The following ABTB3 variants were observed in gnomAD, a reference collection of about 807,000 sequenced individuals.
ABTB3 encodes the protein ankyrin repeat- and BTB/POZ domain-containing protein 3.
chr12:107,350,545 CA>C, the ABTB3 span, among the ~76,000 whole-genome samples: 6,037 of 126,570 alleles, frequency 0.048, 314 homozygotes, highest in East Asian at 0.29. Context: ...GAGTCCGTCT[CA>C]AAAAAAAAAA....
At chr12:107,640,131 A>G in the ABTB3 span, among the ~76,000 whole-genome samples, 1 of 152,164 alleles carries the variant, frequency 6.6e-6, no homozygotes, top group Non-Finnish European at 1.5e-5. Context: ...GAAAAACTGC[A>G]TTTCAGTGAC....
chr12:107,343,631 A>G, the ABTB3 span, among the ~76,000 whole-genome samples: 67,124 of 152,070 alleles, frequency 0.44, 18,184 homozygotes, highest in African/African-American at 0.78. Context: ...GATGGTTATT[A>G]TATTAGTCCA....
At chr12:107,331,268 G>T in the ABTB3 span, among the ~76,000 whole-genome samples, 1 of 152,188 alleles carries the variant, frequency 6.6e-6, no homozygotes, top group African/African-American at 2.4e-5. Flanking sequence ...AGGTTTAGGG[G>T]CTGGGCTCAC....
chr12:107,610,182 T>G, the ABTB3 span: 1 of 1,614,182 alleles, frequency 6.2e-7, no homozygotes. Flanking sequence ...GTCTCTTCCC[T>G]TCCTTAGGGC....
At chr12:107,637,821 TGTGTG>T in the ABTB3 span, among the ~76,000 whole-genome samples, 4 of 139,654 alleles carry the variant, frequency 2.9e-5, no homozygotes, top group Admixed American at 2.8e-4. Flanking sequence ...TGTGTGTGTG[TGTGTG>T]TGTGTGTGGT....
chr12:107,617,507 C>A, the ABTB3 span: 491 of 1,570,588 alleles, frequency 3.1e-4, no homozygotes, highest in Non-Finnish European at 3.9e-4. Context: ...CCAGGCCTAC[C>A]CCAGACCCAT....
At chr12:107,425,946 G>A in the ABTB3 span, among the ~76,000 whole-genome samples, 3 of 152,230 alleles carry the variant, frequency 2.0e-5, no homozygotes, top group Non-Finnish European at 2.9e-5. Context: ...CTTCTGAGTC[G>A]TTTGGAGTTC....
the ABTB3 span, among the ~76,000 whole-genome samples, chr12:107,646,464 C>T: frequency 1.3e-5 from 2 of 152,204 alleles, no homozygotes; most frequent in Non-Finnish European, 2.9e-5. Flanking sequence ...TAAATGAAAA[C>T]TGCTAGGAGA....
the ABTB3 span, among the ~76,000 whole-genome samples, chr12:107,360,995 C>T: frequency 8.0e-6 from 1 of 124,776 alleles, no homozygotes; most frequent in African/African-American, 3.2e-5. Flanking sequence ...TGGTGTCAAA[C>T]CCCTGGGCTC....
At chr12:107,503,345 G>C in the ABTB3 span, among the ~76,000 whole-genome samples, 2 of 152,138 alleles carry the variant, frequency 1.3e-5, no homozygotes, top group Admixed American at 1.3e-4. Flanking sequence ...CATTTGAAAA[G>C]TGTGCTTGCT....
At chr12:107,622,882 A>G in the ABTB3 span, among the ~76,000 whole-genome samples, 1 of 152,234 alleles carries the variant, frequency 6.6e-6, no homozygotes, top group Non-Finnish European at 1.5e-5. Context: ...TCGTCCCACC[A>G]TTATTGGTTT....
At chr12:107,555,648 G>A in the ABTB3 span, among the ~76,000 whole-genome samples, 2 of 152,278 alleles carry the variant, frequency 1.3e-5, no homozygotes, top group South Asian at 2.1e-4. Context: ...ACCACTAACC[G>A]TGTGTGGCTA....
the ABTB3 span, among the ~76,000 whole-genome samples, chr12:107,605,178 T>A: frequency 2.6e-5 from 4 of 152,220 alleles, no homozygotes; most frequent in Admixed American, 6.5e-5. Flanking sequence ...TGATTTTTTT[T>A]AAAAGAATGA....
chr12:107,388,664 GC>G, the ABTB3 span, among the ~76,000 whole-genome samples: 6 of 151,992 alleles, frequency 3.9e-5, no homozygotes, highest in Non-Finnish European at 8.8e-5. Context: ...GCCCTTGAAG[GC>G]CCATGCAGGG....
the ABTB3 span, among the ~76,000 whole-genome samples, chr12:107,474,536 G>A: frequency 6.6e-6 from 1 of 152,182 alleles, no homozygotes; most frequent in African/African-American, 2.4e-5. Flanking sequence ...TCAGCTCTGG[G>A]GAAAGTGGGC....
the ABTB3 span, among the ~76,000 whole-genome samples, chr12:107,336,046 T>G: frequency 1.3e-5 from 2 of 152,176 alleles, no homozygotes; most frequent in Admixed American, 1.3e-4. Context: ...TGTTCCTCCT[T>G]CACTGCTGCA....
the ABTB3 span, among the ~76,000 whole-genome samples, chr12:107,320,309 GC>G: frequency 6.6e-6 from 1 of 152,298 alleles, no homozygotes; most frequent in Non-Finnish European, 1.5e-5. Flanking sequence ...GCGAGGTTCC[GC>G]CCCCGGTGCG....
the ABTB3 span, among the ~76,000 whole-genome samples, chr12:107,331,550 G>T: frequency 6.6e-6 from 1 of 152,170 alleles, no homozygotes; most frequent in Non-Finnish European, 1.5e-5. Context: ...GAGGTGGAAG[G>T]CTCCTTGTCA....
chr12:107,527,180 C>T, the ABTB3 span, among the ~76,000 whole-genome samples: 1 of 152,148 alleles, frequency 6.6e-6, no homozygotes, highest in Non-Finnish European at 1.5e-5. Flanking sequence ...TCTTCTTGCA[C>T]TTGTTACCAC....
Sources: gnomAD v4.1 joint callset for allele counts (sites outside exome capture counted in the v4.1 genomes callset) on GRCh38, gnomAD v4.1.1 for gene constraint, MANE v1.5 for transcripts, NCBI Gene and HGNC (gene_info 2026-07-23, HGNC 2026-07-21) for gene names.